Variants in URAD observed in about 807,000 individuals in gnomAD.
The protein encoded by URAD is putative 2-oxo-4-hydroxy-4-carboxy-5-ureidoimidazoline decarboxylase.
URAD carries 4 observed loss-of-function variants against 4.6 expected under a neutral mutation model. That is an observed-to-expected ratio of 0.87 (90% CI 0.43 to 1.98). The LOEUF (loss-of-function observed/expected upper bound fraction) is 1.98. URAD is among the 30% of genes most tolerant of loss of function. The pLI is 0.03. For synonymous variants in URAD, 144 were observed against 118.2 expected, an observed-to-expected ratio of 1.22 and a Z score of -1.41; for missense variants, 300 against 255.3, an observed-to-expected ratio of 1.18 and a Z score of -1.19.
rs1354727253 is a variant in URAD, at chr13:27,978,330, C to T, written c.298G>A (p.Glu100Lys). Residue 100 changes from glutamate to lysine, a missense_variant, in exon 2 of 2, where the codon GAG becomes AAG. Transcript: ENST00000332715. Reference sequence around the variant, plus strand: ...TTGAGCTCGGCCAGCCGCAGCCGCTCGTCCGCGCCCAGGCTCCTCAGGCCT... The same window carrying T: ...TTGAGCTCGGCCAGCCGCAGCCGCTTGTCCGCGCCCAGGCTCCTCAGGCCT... ...GAGLRSLGAD[E>K]RLRLAELNAQ... The T allele has an allele frequency of 1.2e-5, 17 of 1,393,818 alleles. No individual in the cohort carries two copies. Among genetic ancestry groups the T allele is most frequent in the Admixed American group, 3.5e-5 (1 of 28,478 alleles). 86.3% of individuals were successfully genotyped at this position (1,393,818 alleles called of 1,614,324 possible).
Position 27,978,158 on chromosome 13 carries a change from A to C in URAD, c.470T>G (p.Ile157Ser). ...LRTALGEVKK[I>S]GSLRLADLLR... ...GAGGTCGGCCAGGCGCAGGCTGCCG[A>C]TCTTCTTCACCTCGCCCAGAGCAGT... Residue 157 changes from isoleucine to serine, a missense_variant, in exon 2 of 2, where the codon ATC becomes AGC. By Grantham distance (142) the Ile-to-Ser change is moderately radical. Coordinates refer to ENST00000332715, the MANE Select transcript of URAD (RefSeq NM_001105577.2). 6.5e-6 allele frequency: 10 copies of C among 1,534,744 alleles called. No homozygotes were observed. The highest frequency in any genetic ancestry group is 7.8e-6 in the Non-Finnish European group (9 of 1,153,508).
At chr13:27,981,169 C>A (rs1869867002) in intron 1 of URAD, among the ~76,000 whole-genome samples, 1 of 152,106 alleles carries the variant, frequency 6.6e-6, no homozygotes, top group South Asian at 2.1e-4. Context: ...TTGCCCCAAA[C>A]CACTGGACCC....
At chr13:27,979,019 G>A (rs1190469964) in intron 1 of URAD, among the ~76,000 whole-genome samples, 4 of 152,160 alleles carry the variant, frequency 2.6e-5, no homozygotes, top group African/African-American at 9.7e-5. Context: ...CATCCATGGG[G>A]CTCGGCAAAT....
intron 1 of URAD, among the ~76,000 whole-genome samples, chr13:27,979,774 A>C (rs1869821551): frequency 6.6e-6 from 1 of 152,190 alleles, no homozygotes; most frequent in Non-Finnish European, 1.5e-5. Flanking sequence ...CTCTTCCTCA[A>C]ACTTATTGTT....
intron 1 of URAD, among the ~76,000 whole-genome samples, chr13:27,979,516 A>C (rs1319735525): frequency 6.6e-6 from 1 of 152,232 alleles, no homozygotes; most frequent in African/African-American, 2.4e-5. Flanking sequence ...GAGACAATTC[A>C]TTTACTTAAA....
chr13:27,978,815 G>A (rs533492529), intron 1 of URAD, among the ~76,000 whole-genome samples: 51 of 152,298 alleles, frequency 3.3e-4, no homozygotes, highest in African/African-American at 1.2e-3. Flanking sequence ...TTACGACTAG[G>A]TCGGGAGGGA....
chr13:27,978,454 T>A lies in URAD; in HGVS notation c.176-2A>T. On this transcript the variant is annotated splice_acceptor_variant, in intron 1 of 1. Transcript: ENST00000332715. LOFTEE classifies it high-confidence loss of function. ...GGCAGCGCAGGATGCCCTCCTGGCC[T>A]GCGGAGAAGCACAGACACCGGCGGG... is the stretch of plus-strand genomic sequence containing the variant. 1.5e-6 allele frequency: 2 copies of A among 1,328,350 alleles called. No homozygotes were observed. Among genetic ancestry groups the A allele is most frequent in the Non-Finnish European group, 1.9e-6 (2 of 1,045,538 alleles). The allele number at this position is 1,328,350 out of a possible 1,614,324, so 82.3% of individuals were successfully genotyped here.
intron 1 of URAD, among the ~76,000 whole-genome samples, chr13:27,980,734 C>T (rs1476303219): frequency 2.6e-5 from 4 of 152,262 alleles, no homozygotes; most frequent in East Asian, 2.0e-4. Flanking sequence ...GCGCAGGCCG[C>T]GCAGCAGAGG....
At position 27,988,178 on chromosome 13, in the gene URAD, C is replaced by G. The variant is rs186467442; in HGVS notation, c.175+285G>C. Among the ~76,000 whole-genome samples the G allele has an allele frequency of 1.5e-3, 234 of 152,236 alleles. 1 individual carries two copies. The highest frequency in any genetic ancestry group is 5.3e-3 in the African/African-American group (221 of 41,562). On this transcript the variant is annotated intron_variant, in intron 1 of 1. Transcript: ENST00000332715. ...TTCACCATGTTGGCCAGGATGGTCT[C>G]GATCTCCTGACCTTGTGATCCACCC...
At chr13:27,978,489 A>ACCGCGCCCGTC in intron 1 of URAD, 37 bp from the exon 2 acceptor site, 1 of 1,289,658 alleles carries the variant, frequency 7.8e-7, no homozygotes, top group Non-Finnish European at 9.8e-7. Flanking sequence ...GAGCGCGTCA[A>ACCGCGCCCGTC]CCGCGCCCGT....
In URAD at chr13:27,978,146, C is replaced by T. The variant is rs1167280822; in HGVS notation, c.482G>A (p.Arg161His). The T allele has an allele frequency of 5.2e-6, 8 of 1,530,792 alleles. No individual in the cohort carries two copies. Among genetic ancestry groups the T allele is most frequent in the African/African-American group, 1.4e-5 (1 of 69,822 alleles). The allele number at this position is 1,530,792 out of a possible 1,614,324, so 94.8% of individuals were successfully genotyped here. The change falls in exon 2 of 2, where the codon CGC (arginine) becomes CAC (histidine). Residue 161 changes from arginine to histidine, a missense_variant. Arg to His is a conservative substitution (Grantham distance 29). Transcript: ENST00000332715. ...LGEVKKIGSL[R>H]LADLLRADPA... Reference sequence around the variant, plus strand: ...GTCTGCGCGGAGGAGGTCGGCCAGGCGCAGGCTGCCGATCTTCTTCACCTC... The same window carrying T: ...GTCTGCGCGGAGGAGGTCGGCCAGGTGCAGGCTGCCGATCTTCTTCACCTC...
chr13:27,981,905 G>T (rs1278907065), intron 1 of URAD, among the ~76,000 whole-genome samples: 1 of 152,088 alleles, frequency 6.6e-6, no homozygotes, highest in African/African-American at 2.4e-5. Context: ...TTGCTCTCTT[G>T]TTTCTCCCTA....
chr13:27,983,315 C>G (rs1489484029), intron 1 of URAD, among the ~76,000 whole-genome samples: 1 of 152,000 alleles, frequency 6.6e-6, no homozygotes, highest in African/African-American at 2.4e-5. Context: ...CTGCAACCTC[C>G]GTCTTCCGGG....
chr13:27,980,481 C>A (rs545331182), intron 1 of URAD, among the ~76,000 whole-genome samples: 14 of 152,234 alleles, frequency 9.2e-5, no homozygotes, highest in Admixed American at 9.2e-4. Context: ...AGGCCCAGGA[C>A]GGTAACCTGC....
chr13:27,978,427 G>A lies in URAD; in HGVS notation c.201C>T (p.His67=), dbSNP rs1869780815. ...GCAGCTCGCTGCCCGCCAGGTCCGG[G>A]TGGCAGCGCAGGATGCCCTCCTGGC... ...QSGQEGILRC[H]PDLAGSELQR... is the part of the protein sequence containing the mutation. The change falls in exon 2 of 2, where the codon CAC becomes CAT. Residue 67 remains histidine, a synonymous_variant. Coordinates refer to ENST00000332715, the MANE Select transcript of URAD (RefSeq NM_001105577.2). 1.5e-6 allele frequency: 2 copies of A among 1,369,942 alleles called. No individual in the cohort carries two copies. Among genetic ancestry groups the A allele is most frequent in the East Asian group, 3.1e-5 (1 of 32,326 alleles). The allele number at this position is 1,369,942 out of a possible 1,614,324, so 84.9% of individuals were successfully genotyped here. A position where few individuals can be genotyped will look rare whatever the true frequency, so the allele number is the denominator to read the frequency against.
chr13:27,979,643 G>A (rs1378503463), intron 1 of URAD, among the ~76,000 whole-genome samples: 1 of 152,228 alleles, frequency 6.6e-6, no homozygotes, highest in Non-Finnish European at 1.5e-5. Context: ...TAAAGCGGTT[G>A]TCCGCCTCTG....
intron 1 of URAD, among the ~76,000 whole-genome samples, chr13:27,980,293 G>A (rs1025874591): frequency 6.6e-6 from 1 of 152,156 alleles, no homozygotes; most frequent in African/African-American, 2.4e-5. Flanking sequence ...AACAGGAACG[G>A]GTCTTTCCCG....
At chr13:27,981,109 G>A (rs886794695) in intron 1 of URAD, among the ~76,000 whole-genome samples, 1 of 151,740 alleles carries the variant, frequency 6.6e-6, no homozygotes, top group African/African-American at 2.4e-5. Flanking sequence ...GAGGATGGTA[G>A]CTCGGAAGAA....
rs1317083584 is a variant in URAD at position 27,983,728 on chromosome 13, A to AT, written c.175+4734dup. 8.5e-5 allele frequency among the ~76,000 whole-genome samples: 13 copies of AT among 152,312 alleles called. No homozygotes were observed. In the South Asian group the frequency reaches 2.5e-3, roughly 29 times the overall value. Reference sequence around the variant, plus strand: ...GTTAATCCTGTCTCTCTTCACTAGAATGTAAGCTCATTTAAGGCAAGGACT... The same window carrying AT: ...GTTAATCCTGTCTCTCTTCACTAGAATTGTAAGCTCATTTAAGGCAAGGACT... On this transcript the variant is annotated intron_variant, in intron 1 of 1. Coordinates refer to ENST00000332715, the MANE Select transcript of URAD (RefSeq NM_001105577.2).
Sources: allele counts gnomAD v4.1 joint callset (sites outside exome capture counted in the v4.1 genomes callset), GRCh38; gene constraint gnomAD v4.1.1; transcripts MANE v1.5; gene names NCBI Gene and HGNC (gene_info 2026-07-23, HGNC 2026-07-21).